Variants in PIEZO2 observed in about 807,000 individuals in gnomAD.
PIEZO2 encodes piezo-type mechanosensitive ion channel component 2.
PIEZO2 carries 172 observed loss-of-function variants against 337.3 expected under a neutral mutation model. That is an observed-to-expected ratio of 0.51 (90% CI 0.45 to 0.58). PIEZO2 has a LOEUF of 0.58. Among genes scored for constraint, PIEZO2 ranks in the 20% least tolerant of loss-of-function variants. PIEZO2 has a pLI of 0.00. For missense variants in PIEZO2, 3,028 were observed against 3,391.3 expected, an observed-to-expected ratio of 0.89 and a Z score of 2.66; for synonymous variants, 1,251 against 1,228.5, an observed-to-expected ratio of 1.02 and a Z score of -0.38.
At chr18:10,994,345 A>C (rs1653986313) in intron 2 of PIEZO2, among the ~76,000 whole-genome samples, 1 of 151,914 alleles carries the variant, frequency 6.6e-6, no homozygotes, top group Non-Finnish European at 1.5e-5. Flanking sequence ...TCCTCTTAGT[A>C]GATATCCAGT....
At chr18:11,036,767 A>G (rs1256421243) in intron 2 of PIEZO2, among the ~76,000 whole-genome samples, 1 of 152,156 alleles carries the variant, frequency 6.6e-6, no homozygotes, top group Non-Finnish European at 1.5e-5. Context: ...TTACTTTGAT[A>G]TCTCCTTGAT....
rs2144728735 is a variant in PIEZO2 at position 10,861,069 on chromosome 18, C to A, written c.493-3858G>T. ...CACGTCAGGCTGGCTTATTAACAGGCAGGCTTTTTCCCCCAAAGTGATTCT... is the reference window on the plus strand; with the variant it reads ...CACGTCAGGCTGGCTTATTAACAGGAAGGCTTTTTCCCCCAAAGTGATTCT... On this transcript the variant is annotated intron_variant, in intron 5 of 55. Coordinates refer to ENST00000674853, the MANE Select transcript of PIEZO2 (RefSeq NM_001378183.1). This position sits in a 1 kb window ranked among gnomAD's most constrained non-coding sequence, Gnocchi z 4.3. 6.6e-6 allele frequency among the ~76,000 whole-genome samples: 1 copy of A among 152,348 alleles called. No homozygotes were observed. Among genetic ancestry groups the A allele is most frequent in the Non-Finnish European group, 1.5e-5 (1 of 68,034 alleles).
intron 2 of PIEZO2, among the ~76,000 whole-genome samples, chr18:11,058,744 G>A (rs537470584): frequency 7.3e-4 from 111 of 152,204 alleles, no homozygotes; most frequent in African/African-American, 2.1e-3. Flanking sequence ...AAAAAGAAAC[G>A]AACAAAACCT....
intron 3 of PIEZO2, among the ~76,000 whole-genome samples, chr18:10,939,511 C>T (rs2032606167): frequency 6.6e-6 from 1 of 152,102 alleles, no homozygotes; most frequent in South Asian, 2.1e-4. Context: ...AGACTTGGAA[C>T]CAACCCAAAT....
chr18:10,696,615 C>T (rs765700459), intron 45 of PIEZO2, 76 bp from the exon 46 acceptor site: 32 of 1,497,996 alleles, frequency 2.1e-5, no homozygotes, highest in Non-Finnish European at 2.7e-5. Context: ...CAGACACTGC[C>T]ATCATGCCAC....
intron 43 of PIEZO2, among the ~76,000 whole-genome samples, chr18:10,700,975 C>T (rs8093366): frequency 0.23 from 34,562 of 152,070 alleles, 3,979 homozygotes; most frequent in South Asian, 0.28. Context: ...GACCAGAGTA[C>T]ACTCAGATGA....
chr18:11,033,181 A>G lies in PIEZO2; in HGVS notation c.160+32946T>C, dbSNP rs1568313895. On this transcript the variant is annotated intron_variant, in intron 2 of 55. Coordinates refer to ENST00000674853, the MANE Select transcript of PIEZO2 (RefSeq NM_001378183.1). This position sits in a 1 kb window ranked among gnomAD's most constrained non-coding sequence, Gnocchi z 4.2. ...TCCTCTCTACAACACACATGTGGGC[A>G]CTGTTCTCTCCTTCATTTCACACAT... Among the ~76,000 whole-genome samples, 1 of 152,244 alleles carries G rather than the reference A, an allele frequency of 6.6e-6. No individual in the cohort carries two copies. Among genetic ancestry groups the G allele is most frequent in the Non-Finnish European group, 1.5e-5 (1 of 68,038 alleles).
intron 18 of PIEZO2, 98 bp from the exon 19 acceptor site, chr18:10,774,136 A>C (rs2038703718): frequency 4.2e-5 from 29 of 685,744 alleles, no homozygotes; most frequent in South Asian, 4.2e-4. Context: ...CATATCATCC[A>C]CTATTGCATT....
intron 17 of PIEZO2, among the ~76,000 whole-genome samples, chr18:10,782,196 T>TTATATATCATATAATTA (rs2039010682): frequency 3.7e-5 from 5 of 136,222 alleles, no homozygotes; most frequent in African/African-American, 1.4e-4. Context: ...GTACATCATA[T>TTATATATCATATAATTA]TATATATCAT....
At position 11,047,492 on chromosome 18, in the gene PIEZO2, A is replaced by G. The variant is rs1448567992; in HGVS notation, c.160+18635T>C. On this transcript the variant is annotated intron_variant, in intron 2 of 55. Transcript: ENST00000674853. The surrounding 1 kb of genome is among the most constrained non-coding windows in gnomAD (Gnocchi z 7.2). ...TCCTCTCCTCCCTCCCCATCCCCCA[A>G]ATTCCACTCTTGGAAATGAGAGCCA... is the stretch of plus-strand genomic sequence containing the variant. Among the ~76,000 whole-genome samples, 1 of 152,178 alleles carries G rather than the reference A, an allele frequency of 6.6e-6. No homozygotes were observed. The highest frequency in any genetic ancestry group is 2.4e-5 in the African/African-American group (1 of 41,444).
chr18:11,136,051 A>T (rs778010238), intron 1 of PIEZO2, among the ~76,000 whole-genome samples: 1 of 152,216 alleles, frequency 6.6e-6, no homozygotes, highest in Non-Finnish European at 1.5e-5. Flanking sequence ...AAATTTTGAT[A>T]CCCAATTTAA....
chr18:10,806,848 G>C (rs151108788), intron 8 of PIEZO2, among the ~76,000 whole-genome samples: 1 of 152,256 alleles, frequency 6.6e-6, no homozygotes, highest in East Asian at 1.9e-4. Flanking sequence ...TACAGTAAGT[G>C]ATCAGCAAAA....
rs1302669611 is a variant in PIEZO2 at position 11,028,482 on chromosome 18, A to C, written c.160+37645T>G. 1.3e-5 allele frequency among the ~76,000 whole-genome samples: 2 copies of C among 152,108 alleles called. No individual in the cohort carries two copies. The highest frequency in any genetic ancestry group is 2.4e-5 in the African/African-American group (1 of 41,422). ...CACCATGCTGGCCAGGCTGGTCCCG[A>C]ACTCCTGACCTCAGATGATCCGCCA... is the stretch of plus-strand genomic sequence containing the variant. On this transcript the variant is annotated intron_variant, in intron 2 of 55. Coordinates refer to ENST00000674853, the MANE Select transcript of PIEZO2 (RefSeq NM_001378183.1). This position sits in a 1 kb window ranked among gnomAD's most constrained non-coding sequence, Gnocchi z 4.8.
intron 3 of PIEZO2, among the ~76,000 whole-genome samples, chr18:10,967,837 T>C (rs990885247): frequency 2.6e-5 from 4 of 152,222 alleles, no homozygotes; most frequent in African/African-American, 9.6e-5. Context: ...ATTCTGGTTA[T>C]TAGTCTTTTG....
Position 10,704,590 on chromosome 18 carries a change from A to G in PIEZO2, c.6062T>C (p.Leu2021Pro). 1 of 1,537,320 alleles carries G rather than the reference A, an allele frequency of 6.5e-7. No individual in the cohort carries two copies. The highest frequency in any genetic ancestry group is 8.7e-7 in the Non-Finnish European group (1 of 1,146,914). ...ATTGTACATGGCATAGAAGAGCAGC[A>G]GAAATCGGGGCTGCCCCACGTAGAA... is the stretch of plus-strand genomic sequence containing the variant. ...EKFYVGQPRFLLLFYAMYNTL... is the reference protein window; with the variant it reads ...EKFYVGQPRFPLLFYAMYNTL... The change falls in exon 42 of 56, where the codon CTG (leucine) becomes CCG (proline). Residue 2021 changes from leucine to proline, a missense_variant. Transcript: ENST00000674853.
At position 10,862,507 on chromosome 18, in the gene PIEZO2, C is replaced by T. The variant is rs574294300; in HGVS notation, c.493-5296G>A. ...TACAGCAGTACTGGTTCCATTAAGCCGTGGCATCCACCATGATTTCCACTC... is the reference window on the plus strand; with the variant it reads ...TACAGCAGTACTGGTTCCATTAAGCTGTGGCATCCACCATGATTTCCACTC... On this transcript the variant is annotated intron_variant, in intron 5 of 55. Transcript: ENST00000674853. This position sits in a 1 kb window ranked among gnomAD's most constrained non-coding sequence, Gnocchi z 4.4. 1.3e-4 allele frequency among the ~76,000 whole-genome samples: 20 copies of T among 152,280 alleles called. No individual in the cohort carries two copies. The South Asian group carries it at 3.3e-3, about 25-fold the overall frequency.
intron 4 of PIEZO2, chr18:10,908,610 G>A (rs759351299): frequency 6.6e-6 from 1 of 152,202 alleles, no homozygotes; most frequent in Non-Finnish European, 1.5e-5. Flanking sequence ...TGTATTTGAA[G>A]GCGCTTGTTG....
chr18:11,095,185 A>G (rs572585351), intron 1 of PIEZO2, among the ~76,000 whole-genome samples: 2 of 152,354 alleles, frequency 1.3e-5, no homozygotes, highest in Admixed American at 1.3e-4. Context: ...CAGGTAGACC[A>G]TTCTTATTCC....
intron 4 of PIEZO2, among the ~76,000 whole-genome samples, chr18:10,897,806 T>C (rs562115217): frequency 1.3e-5 from 2 of 152,230 alleles, no homozygotes; most frequent in Non-Finnish European, 2.9e-5. Flanking sequence ...ATATCCCTTC[T>C]GAATTAAGGG....
Sources: gnomAD v4.1 joint callset for allele counts (sites outside exome capture counted in the v4.1 genomes callset) on GRCh38, gnomAD v4.1.1 for gene constraint, Gnocchi (gnomAD v3.1) non-coding constraint, MANE v1.5 for transcripts, NCBI Gene and HGNC (gene_info 2026-07-23, HGNC 2026-07-21) for gene names.